The following TMEM132D variants were observed in gnomAD, a reference collection of about 807,000 sequenced individuals.
The protein encoded by TMEM132D is transmembrane protein 132D.
Under a neutral mutation model 62.3 loss-of-function variants are expected in TMEM132D, and 21 were observed. The observed-to-expected ratio is 0.34, with a 90% CI of 0.24 to 0.49. TMEM132D has a LOEUF of 0.49. Among genes scored for constraint, TMEM132D ranks in the 20% least tolerant of loss-of-function variants. The pLI is 0.99. For missense variants in TMEM132D, 1,346 were observed against 1,402.8 expected, an observed-to-expected ratio of 0.96 and a Z score of 0.65; for synonymous variants, 621 against 575.6, an observed-to-expected ratio of 1.08 and a Z score of -1.13.
chr12:129,723,061 G>T (rs922946059), intron 1 of TMEM132D, among the ~76,000 whole-genome samples: 2 of 152,086 alleles, frequency 1.3e-5, no homozygotes, highest in African/African-American at 4.8e-5. Context: ...TATTTCCAAT[G>T]ACCCTCTGTG....
intron 4 of TMEM132D, among the ~76,000 whole-genome samples, chr12:129,226,926 A>G (rs996460758): frequency 1.1e-4 from 16 of 152,202 alleles, no homozygotes; most frequent in African/African-American, 3.9e-4. Flanking sequence ...AGCCGCCTGA[A>G]GAAATCTCCT....
At chr12:129,753,458 C>T (rs936414415) in intron 1 of TMEM132D, among the ~76,000 whole-genome samples, 8 of 152,304 alleles carry the variant, frequency 5.3e-5, no homozygotes, top group South Asian at 2.1e-4. Flanking sequence ...GTCTTCCTAA[C>T]GTTCTCCAAA....
At position 129,593,120 on chromosome 12, in the gene TMEM132D, T is replaced by TG. The variant is rs549798766; in HGVS notation, c.969-61916dup. On this transcript the variant is annotated intron_variant, in intron 2 of 8. Coordinates refer to ENST00000422113, the MANE Select transcript of TMEM132D (RefSeq NM_133448.3). ...ACACATTCTATAAAACTAATCACTC[T>TG]GGGGAAAAAAAAGGTTAATCGTTTA... is the stretch of plus-strand genomic sequence containing the variant. Among the ~76,000 whole-genome samples, 8 of 131,548 alleles carry TG rather than the reference T, an allele frequency of 6.1e-5. No homozygotes were observed. The South Asian group carries it at 9.6e-4, about 16-fold the overall frequency. 86.3% of individuals were successfully genotyped at this position (131,548 alleles called of 152,430 possible).
At chr12:129,595,676 A>G (rs1878317008) in intron 2 of TMEM132D, among the ~76,000 whole-genome samples, 1 of 152,242 alleles carries the variant, frequency 6.6e-6, no homozygotes, top group Non-Finnish European at 1.5e-5. Context: ...TATGGCTGTA[A>G]GAAGAACATC....
At chr12:129,086,201 C>T (rs12367244) in intron 5 of TMEM132D, among the ~76,000 whole-genome samples, 54,273 of 140,984 alleles carry the variant, frequency 0.38, 11,045 homozygotes, top group South Asian at 0.51. Flanking sequence ...CACGCGCGCG[C>T]GTGTGTGTGT....
At chr12:129,731,207 TTCA>T (rs1869224856) in intron 1 of TMEM132D, among the ~76,000 whole-genome samples, 2 of 152,138 alleles carry the variant, frequency 1.3e-5, no homozygotes, top group Admixed American at 1.3e-4. Context: ...CATTCACTCA[TTCA>T]TTCGTTCACT....
intron 3 of TMEM132D, among the ~76,000 whole-genome samples, chr12:129,369,106 G>C (rs1002802930): frequency 1.3e-5 from 2 of 152,132 alleles, no homozygotes; most frequent in African/African-American, 4.8e-5. Flanking sequence ...AAATCCCAAA[G>C]TTTAAAGGCT....
At chr12:129,167,840 G>C (rs1638843622) in intron 5 of TMEM132D, among the ~76,000 whole-genome samples, 1 of 152,072 alleles carries the variant, frequency 6.6e-6, no homozygotes, top group Non-Finnish European at 1.5e-5. Context: ...GGAGCTCCAG[G>C]AAGTGAAAAG....
intron 3 of TMEM132D, among the ~76,000 whole-genome samples, chr12:129,497,688 G>T (rs1425344852): frequency 6.6e-6 from 1 of 151,878 alleles, no homozygotes; most frequent in African/African-American, 2.4e-5. Flanking sequence ...TTTAAACAGG[G>T]TCTTGCTCTT....
chr12:129,502,953 C>T (rs1266550718), intron 3 of TMEM132D, among the ~76,000 whole-genome samples: 1 of 152,150 alleles, frequency 6.6e-6, no homozygotes, highest in African/African-American at 2.4e-5. Flanking sequence ...AGAATGTAAC[C>T]TTCATGAGGG....
intron 2 of TMEM132D, among the ~76,000 whole-genome samples, chr12:129,618,699 C>T (rs1359291563): frequency 6.6e-6 from 1 of 152,156 alleles, no homozygotes; most frequent in East Asian, 1.9e-4. Context: ...CATACAAATA[C>T]ATACTGTGAA....
At chr12:129,249,122 T>C (rs1216750892) in intron 4 of TMEM132D, among the ~76,000 whole-genome samples, 1 of 152,156 alleles carries the variant, frequency 6.6e-6, no homozygotes, top group African/African-American at 2.4e-5. Context: ...CCCGGGATAT[T>C]GTATACAGCT....
intron 3 of TMEM132D, among the ~76,000 whole-genome samples, chr12:129,361,048 A>T (rs1287356722): frequency 6.6e-6 from 1 of 152,184 alleles, no homozygotes; most frequent in Admixed American, 6.5e-5. Context: ...TCCACCTGCA[A>T]AGCAGTCCCC....
chr12:129,506,910 A>C (rs1282719614), intron 3 of TMEM132D, among the ~76,000 whole-genome samples: 1 of 152,232 alleles, frequency 6.6e-6, no homozygotes, highest in African/African-American at 2.4e-5. Flanking sequence ...CAGTAAGCAG[A>C]GTAAACAGAC....
chr12:129,629,278 C>T (rs1038506326), intron 2 of TMEM132D, among the ~76,000 whole-genome samples: 2 of 152,222 alleles, frequency 1.3e-5, no homozygotes, highest in African/African-American at 2.4e-5. Flanking sequence ...CCCTACTCCA[C>T]ATTATCAGAG....
intron 5 of TMEM132D, among the ~76,000 whole-genome samples, chr12:129,187,231 G>A (rs1025803712): frequency 6.5e-5 from 9 of 137,808 alleles, no homozygotes; most frequent in African/African-American, 2.2e-4. Flanking sequence ...CCAGGTGGAG[G>A]AAGACAAAAA....
chr12:129,385,085 CTTTTTTTTTTTT>C (rs869098367), intron 3 of TMEM132D, among the ~76,000 whole-genome samples: 1 of 86,892 alleles, frequency 1.2e-5, no homozygotes, highest in South Asian at 5.0e-4. Flanking sequence ...TGTTAAAGTT[CTTTTTTTTTTTT>C]TTTTTTTTTT....
chr12:129,583,703 G>C (rs1439466594), intron 2 of TMEM132D, among the ~76,000 whole-genome samples: 1 of 152,162 alleles, frequency 6.6e-6, no homozygotes, highest in Non-Finnish European at 1.5e-5. Context: ...GCTTGCCTTA[G>C]ACAGAGGAAT....
intron 3 of TMEM132D, among the ~76,000 whole-genome samples, chr12:129,415,947 G>A (rs144199463): frequency 2.6e-4 from 39 of 152,214 alleles, no homozygotes; most frequent in African/African-American, 8.4e-4. Flanking sequence ...CATTCTGCTC[G>A]GCTTAACACT....
Sources: gnomAD v4.1 joint callset for allele counts (sites outside exome capture counted in the v4.1 genomes callset) on GRCh38, gnomAD v4.1.1 for gene constraint, MANE v1.5 for transcripts, NCBI Gene and HGNC (gene_info 2026-07-23, HGNC 2026-07-21) for gene names.